Variants in TREH observed in about 807,000 individuals in gnomAD.
TREH encodes the protein alpha,alpha-trehalose glucohydrolase.
A neutral mutation model predicts 80.5 loss-of-function variants in TREH; 69 were observed. The ratio of observed to expected loss-of-function variants is 0.86; its 90% CI spans 0.71 to 1.05. TREH has a LOEUF of 1.05. Among genes scored for constraint, TREH ranks in the 50% least tolerant of loss-of-function variants. The pLI is 0.00. For synonymous variants in TREH, 309 were observed against 293.5 expected (o/e 1.05, Z -0.54); for missense variants, 716 against 718.8 (o/e 1.00, Z 0.04).
intron 1 of TREH, among the ~76,000 whole-genome samples, chr11:118,670,388 C>T (rs530960223): frequency 9.2e-5 from 14 of 152,282 alleles, no homozygotes; most frequent in African/African-American, 2.9e-4. Context: ...AGCCTTTACC[C>T]GTAGATCCCT....
At position 118,674,782 on chromosome 11, in the gene TREH, T is replaced by C. The variant is rs1256304361; in HGVS notation, c.89+4757A>G. Among the ~76,000 whole-genome samples the C allele has an allele frequency of 6.6e-6, 1 of 152,192 alleles. No homozygotes were observed. The highest frequency in any genetic ancestry group is 2.4e-5 in the African/African-American group (1 of 41,450). On this transcript the variant is annotated intron_variant, in intron 1 of 14. Transcript: ENST00000264029. This position sits in a 1 kb window ranked among gnomAD's most constrained non-coding sequence, Gnocchi z 4.4. Reference sequence around the variant, plus strand: ...GTCTTGAACTCCTGATCTCAGATGATCCACCCACCTCTGCCTCCCAAAGTG... The same window carrying C: ...GTCTTGAACTCCTGATCTCAGATGACCCACCCACCTCTGCCTCCCAAAGTG...
At chr11:118,664,227 G>C (rs1302356967) in intron 1 of TREH, among the ~76,000 whole-genome samples, 1 of 152,220 alleles carries the variant, frequency 6.6e-6, no homozygotes, top group Non-Finnish European at 1.5e-5. Context: ...ACAAAAAGCT[G>C]CTTGGTTTAT....
At chr11:118,660,366 C>T (rs1480271319) in intron 10 of TREH, among the ~76,000 whole-genome samples, 173 bp downstream of exon 10, 1 of 152,172 alleles carries the variant, frequency 6.6e-6, no homozygotes, top group Admixed American at 6.5e-5. Flanking sequence ...AGGGTTGGCT[C>T]CGTTTGTTCT....
At chr11:118,662,682 C>T (rs190112487) in intron 4 of TREH, 199 bp downstream of exon 4, 142 of 605,572 alleles carry the variant, frequency 2.3e-4, no homozygotes, top group African/African-American at 2.2e-3. Context: ...CTGGAGGAGG[C>T]GAGATGTTAG....
Position 118,660,914 on chromosome 11 carries a change from G to C in TREH, c.859C>G (p.Pro287Ala). 1 of 1,570,462 alleles carries C rather than the reference G, an allele frequency of 6.4e-7. No individual in the cohort carries two copies. The change falls in exon 9 of 15, where the codon CCT becomes GCT. Residue 287 changes from proline (P) to alanine (A), a missense_variant and splice_region_variant. Coordinates refer to ENST00000264029, the MANE Select transcript of TREH (RefSeq NM_007180.3). ...RYYVPYGGPR[P>A]ESYSKDVELA... Reference sequence around the variant, plus strand: ...TCCACATCTTTGCTGTAGGACTCAGGCCTGGCAAAGAGGAGAGGTGGGCAG... The same window carrying C: ...TCCACATCTTTGCTGTAGGACTCAGCCCTGGCAAAGAGGAGAGGTGGGCAG...
At chr11:118,678,489 G>A (rs1322648944) in intron 1 of TREH, among the ~76,000 whole-genome samples, 5 of 151,588 alleles carry the variant, frequency 3.3e-5, no homozygotes, top group Admixed American at 2.6e-4. Flanking sequence ...TCAGCCTCCC[G>A]AGTAGCTGGG....
Position 118,659,503 on chromosome 11 carries a change from C to T in TREH, c.1321-22G>A, listed in dbSNP as rs149499402. The T allele has an allele frequency of 3.2e-6, 5 of 1,540,376 alleles. No individual in the cohort carries two copies. The South Asian group carries it at 6.2e-5, about 19-fold the overall frequency. On this transcript the variant is annotated intron_variant, in intron 11 of 14. Transcript: ENST00000264029. ...TGTCCTAGAAGGTCCCAGACATTCC[C>T]ATGACTGTGGGTGGGGCTGGACTGG...
chr11:118,663,940 G>T lies in TREH; in HGVS notation c.90-501C>A, dbSNP rs80297004. 6.4e-3 allele frequency among the ~76,000 whole-genome samples: 968 copies of T among 152,234 alleles called. 8 individuals are homozygous for T. Among genetic ancestry groups the T allele is most frequent in the African/African-American group, 0.022 (894 of 41,544 alleles). ...TGTTTCCTGAAACTGCCTCCATGAC[G>T]GCAGGACACAAAATAATCCTGAAAC... On this transcript the variant is annotated intron_variant, in intron 1 of 14. Transcript: ENST00000264029.
rs1270489292 is a variant in TREH, at chr11:118,661,940, T to C, written c.474A>G (p.Ser158=). The C allele has an allele frequency of 1.2e-5, 18 of 1,555,728 alleles. No homozygotes were observed. Among genetic ancestry groups the C allele is most frequent in the Non-Finnish European group, 1.4e-5 (16 of 1,149,478 alleles). The change falls in exon 5 of 15, where the codon TCA becomes TCG. Residue 158 remains serine (S), a synonymous_variant. Transcript: ENST00000264029. This position sits in a 1 kb window ranked among gnomAD's most constrained non-coding sequence, Gnocchi z 4.2. ...CGCCAGGCACAATGAAGGGATGTTCTGAGTAGATGAGAGAGAACCGCTCAG... is the reference window on the plus strand; with the variant it reads ...CGCCAGGCACAATGAAGGGATGTTCCGAGTAGATGAGAGAGAACCGCTCAG... ...SHPERFSLIY[S]EHPFIVPGGR...
intron 10 of TREH, among the ~76,000 whole-genome samples, 175 bp downstream of exon 10, chr11:118,660,364 C>T (rs1177402323): frequency 6.6e-6 from 1 of 152,172 alleles, no homozygotes; most frequent in East Asian, 1.9e-4. Flanking sequence ...TTAGGGTTGG[C>T]TCCGTTTGTT....
chr11:118,658,365 T>G lies in TREH; in HGVS notation c.1676A>C (p.Lys559Thr). The change falls in exon 15 of 15, where the codon AAG becomes ACG. Residue 559 changes from lysine to threonine, a missense_variant. Physicochemically the swap from Lys to Thr is moderately conservative, Grantham distance 78 (BLOSUM62 -1). Coordinates refer to ENST00000264029, the MANE Select transcript of TREH (RefSeq NM_007180.3). ...GCAGTGGGGCTCCAGGAAAGCCAGCTTGGCCCCTGAGGTCAGCCGGTCACC... is the reference window on the plus strand; with the variant it reads ...GCAGTGGGGCTCCAGGAAAGCCAGCGTGGCCCCTGAGGTCAGCCGGTCACC... ...RYGDRLTSGA[K>T]LAFLEPHCLA... 1 of 1,606,484 alleles carries G rather than the reference T, an allele frequency of 6.2e-7. No homozygotes were observed. Among genetic ancestry groups the G allele is most frequent in the Non-Finnish European group, 8.5e-7 (1 of 1,177,246 alleles).
intron 1 of TREH, 131 bp from the exon 2 acceptor site, chr11:118,663,570 CGTGT>C (rs377260560): frequency 2.7e-5 from 19 of 691,438 alleles, no homozygotes; most frequent in Non-Finnish European, 4.4e-5. Context: ...TGTGTGCGTG[CGTGT>C]GTGTGTGTGT....
chr11:118,659,608 C>T, intron 11 of TREH, 127 bp from the exon 12 acceptor site: 3 of 1,353,760 alleles, frequency 2.2e-6, no homozygotes, highest in East Asian at 2.5e-5. Context: ...CACAGCTGCC[C>T]CCCGGTGGCT....
chr11:118,668,134 G>A (rs1555145846), intron 1 of TREH, among the ~76,000 whole-genome samples: 1 of 152,074 alleles, frequency 6.6e-6, no homozygotes. Context: ...TAAAGTGTTG[G>A]GATTACAGGC....
intron 1 of TREH, among the ~76,000 whole-genome samples, chr11:118,664,406 A>T (rs1464854417): frequency 6.6e-6 from 1 of 152,228 alleles, no homozygotes; most frequent in Non-Finnish European, 1.5e-5. Flanking sequence ...TTGCTGACTT[A>T]TGGGCAGTAG....
chr11:118,659,886 T>A lies in TREH; in HGVS notation c.1181A>T (p.Glu394Val). The change falls in exon 11 of 15, where the codon GAG becomes GTG. Residue 394 changes from glutamate to valine, a missense_variant. Transcript: ENST00000264029. ...LAALNTVLWD[E>V]QTGAWFDYDL... ...GTAATCGAACCAGGCTCCGGTCTGC[T>A]CATCCCACAGGACTGTGTTCAGGGC... is the stretch of plus-strand genomic sequence containing the variant. 6.4e-7 allele frequency: 1 copy of A among 1,551,966 alleles called. No homozygotes were observed. The highest frequency in any genetic ancestry group is 8.7e-7 in the Non-Finnish European group (1 of 1,147,088).
Position 118,658,345 on chromosome 11 carries a change from G to A in TREH, c.1696C>T (p.His566Tyr), listed in dbSNP as rs200772007. ...SGAKLAFLEP[H>Y]CLAATLLPSL... is the part of the protein sequence containing the mutation. Reference sequence around the variant, plus strand: ...GGCAGAAGGGTGGCCGCCAGGCAGTGGGGCTCCAGGAAAGCCAGCTTGGCC... The same window carrying A: ...GGCAGAAGGGTGGCCGCCAGGCAGTAGGGCTCCAGGAAAGCCAGCTTGGCC... The change falls in exon 15 of 15, where the codon CAC (histidine) becomes TAC (tyrosine). Residue 566 changes from histidine to tyrosine, a missense_variant. Transcript: ENST00000264029. 614 of 1,600,052 alleles carry A rather than the reference G, an allele frequency of 3.8e-4. No homozygotes were observed. Among genetic ancestry groups the A allele is most frequent in the Non-Finnish European group, 4.9e-4 (575 of 1,174,180 alleles).
In TREH at chr11:118,662,281, C is replaced by T. The variant is rs570243620; in HGVS notation, c.424-291G>A. 1.1e-3 allele frequency among the ~76,000 whole-genome samples: 154 copies of T among 142,090 alleles called. 1 individual carries two copies. The highest frequency in any genetic ancestry group is 6.8e-3 in the East Asian group (33 of 4,820). The allele number at this position is 142,090 out of a possible 152,430, so 93.2% of individuals were successfully genotyped here. On this transcript the variant is annotated intron_variant, in intron 4 of 14. Coordinates refer to ENST00000264029, the MANE Select transcript of TREH (RefSeq NM_007180.3). Reference sequence around the variant, plus strand: ...GGTATCCACCAAGCAGTGGCCATTACGAAGACCCAGGGTGGGCTGGGTGGG... The same window carrying T: ...GGTATCCACCAAGCAGTGGCCATTATGAAGACCCAGGGTGGGCTGGGTGGG...
Position 118,674,732 on chromosome 11 carries a change from G to C in TREH, c.89+4807C>G, listed in dbSNP as rs2137287033. 6.6e-6 allele frequency among the ~76,000 whole-genome samples: 1 copy of C among 152,276 alleles called. No individual in the cohort carries two copies. Among genetic ancestry groups the C allele is most frequent in the African/African-American group, 2.4e-5 (1 of 41,540 alleles). On this transcript the variant is annotated intron_variant, in intron 1 of 14. Coordinates refer to ENST00000264029, the MANE Select transcript of TREH (RefSeq NM_007180.3). This position sits in a 1 kb window ranked among gnomAD's most constrained non-coding sequence, Gnocchi z 4.4. ...TAATTTTGTATTTTTAGTAGAGACA[G>C]GGTTTCTCCATGTTGGTCAGGCTGG... is the stretch of plus-strand genomic sequence containing the variant.
Sources: gnomAD v4.1 joint callset for allele counts (sites outside exome capture counted in the v4.1 genomes callset) on GRCh38, gnomAD v4.1.1 for gene constraint, Gnocchi (gnomAD v3.1) non-coding constraint, MANE v1.5 for transcripts, NCBI Gene and HGNC (gene_info 2026-07-23, HGNC 2026-07-21) for gene names.